Variants in GRB10 observed in about 807,000 individuals in gnomAD.
GRB10 encodes the protein growth factor receptor-bound protein 10.
GRB10 carries 20 observed loss-of-function variants against 80.9 expected under a neutral mutation model. The ratio of observed to expected loss-of-function variants is 0.25; its 90% CI spans 0.17 to 0.36. GRB10 has a LOEUF of 0.36. Ranked by LOEUF, GRB10 falls within the 10% of genes least tolerant of loss-of-function variation. GRB10 has a pLI of 1.00. For synonymous variants in GRB10, 291 were observed against 291.5 expected, an observed-to-expected ratio of 1.00 and a Z score of 0.02; for missense variants, 548 against 747.7, an observed-to-expected ratio of 0.73 and a Z score of 3.12.
chr7:50,659,734 G>C (rs1218875481), intron 7 of GRB10, among the ~76,000 whole-genome samples: 2 of 152,246 alleles, frequency 1.3e-5, no homozygotes, highest in African/African-American at 2.4e-5. Context: ...AGGACCATAA[G>C]GTTAGAACAT....
At chr7:50,650,542 A>G (rs1442085421) in intron 7 of GRB10, among the ~76,000 whole-genome samples, 1 of 152,242 alleles carries the variant, frequency 6.6e-6, no homozygotes, top group African/African-American at 2.4e-5. Flanking sequence ...AAGGAAAAGA[A>G]AATCAATGAC....
chr7:50,754,554 G>A (rs939871290), intron 3 of GRB10, among the ~76,000 whole-genome samples: 7 of 152,182 alleles, frequency 4.6e-5, no homozygotes, highest in Non-Finnish European at 1.0e-4. Context: ...AAAAGCAACG[G>A]CAGTGTGAGC....
At chr7:50,652,077 T>G (rs1201467700) in intron 7 of GRB10, among the ~76,000 whole-genome samples, 1 of 152,256 alleles carries the variant, frequency 6.6e-6, no homozygotes, top group Non-Finnish European at 1.5e-5. Context: ...GGTAGAATTT[T>G]GGATTTCAAA....
intron 5 of GRB10, among the ~76,000 whole-genome samples, chr7:50,675,894 A>G (rs750016055): frequency 1.3e-5 from 2 of 152,134 alleles, no homozygotes. Flanking sequence ...GCCTGGCTGC[A>G]CTCCTGCTCA....
chr7:50,663,888 C>A lies in GRB10; in HGVS notation c.504+5834G>T, dbSNP rs1360419722. Among the ~76,000 whole-genome samples, 3 of 152,340 alleles carry A rather than the reference C, an allele frequency of 2.0e-5. No individual in the cohort carries two copies. In the South Asian group the frequency reaches 6.2e-4, roughly 32 times the overall value. ...ACCTCGCAGGATGCCACAGCCGAAA[C>A]CAGCAGGCCAGGACCTGCCTGCCAG... is the stretch of plus-strand genomic sequence containing the variant. On this transcript the variant is annotated intron_variant, in intron 7 of 18. Transcript: ENST00000401949.
In GRB10 at chr7:50,742,261, ACG is replaced by A. The variant is rs757623893; in HGVS notation, c.-46-9895_-46-9894del. Among the ~76,000 whole-genome samples the A allele has an allele frequency of 1.2e-3, 54 of 45,448 alleles. 1 individual carries two copies. The highest frequency in any genetic ancestry group is 4.4e-3 in the Non-Finnish European group (40 of 9,034). The allele number at this position is 45,448 out of a possible 152,430, so 29.8% of individuals were successfully genotyped here. On this transcript the variant is annotated intron_variant, in intron 3 of 18. Coordinates refer to ENST00000401949, the MANE Select transcript of GRB10 (RefSeq NM_001350814.2). ...TTTGTCTATGTGTAAACACACGCGCACGCGCGCGCGCACACACACACACACAC... is the reference window on the plus strand; with the variant it reads ...TTTGTCTATGTGTAAACACACGCGCACGCGCGCGCACACACACACACACAC...
At chr7:50,729,744 G>A (rs2069311906) in intron 4 of GRB10, among the ~76,000 whole-genome samples, 1 of 144,830 alleles carries the variant, frequency 6.9e-6, no homozygotes, top group South Asian at 2.3e-4. Flanking sequence ...GACCAAGGCA[G>A]CCGGCCCTCT....
intron 7 of GRB10, among the ~76,000 whole-genome samples, chr7:50,643,189 C>T (rs984049518): frequency 6.6e-6 from 1 of 152,120 alleles, no homozygotes; most frequent in Admixed American, 6.5e-5. Context: ...GGGCTGACTG[C>T]AGGACTGAGT....
chr7:50,764,189 T>A (rs2076083452), intron 2 of GRB10, among the ~76,000 whole-genome samples: 1 of 152,178 alleles, frequency 6.6e-6, no homozygotes, highest in African/African-American at 2.4e-5. Flanking sequence ...AGGCTCCCCA[T>A]CCACCCTGTC....
rs1174520080 is a variant in GRB10 at position 50,782,851 on chromosome 7, G to T, written c.-754C>A. 2 of 152,274 alleles carry T rather than the reference G, an allele frequency of 1.3e-5. No individual in the cohort carries two copies. Among genetic ancestry groups the T allele is most frequent in the Admixed American group, 1.3e-4 (2 of 15,312 alleles). 9.4% of individuals were successfully genotyped at this position (152,274 alleles called of 1,614,324 possible). On this transcript the variant is annotated 5_prime_UTR_variant, in exon 1 of 19. Transcript: ENST00000401949. The surrounding 1 kb of genome is among the most constrained non-coding windows in gnomAD (Gnocchi z 6.6). ...GGGACTGGGCGCTCCTGAGGAGCGG[G>T]AGGACGACGGAGCAGCGCCCGGTCC...
At position 50,592,541 on chromosome 7, in the gene GRB10, CAAAG is replaced by C. The variant is rs1266691076; in HGVS notation, c.*407_*410del. On this transcript the variant is annotated 3_prime_UTR_variant, in exon 19 of 19. Transcript: ENST00000401949. ...AATAGGCTGAATACAATATTGAAAA[CAAAG>C]AAGGAGTGCAAAAAAGTGATCAATA... 5.8e-5 allele frequency: 16 copies of C among 277,036 alleles called. No individual in the cohort carries two copies. The highest frequency in any genetic ancestry group is 5.4e-4 in the Admixed American group (11 of 20,350). The allele number at this position is 277,036 out of a possible 1,614,324, so 17.2% of individuals were successfully genotyped here.
intron 7 of GRB10, among the ~76,000 whole-genome samples, chr7:50,647,334 T>C (rs1198872748): frequency 2.6e-5 from 4 of 152,130 alleles, no homozygotes; most frequent in African/African-American, 9.6e-5. Flanking sequence ...TAATGAAACA[T>C]TAAACCTAAA....
At chr7:50,616,080 A>C in intron 11 of GRB10, 130 bp downstream of exon 11, 2 of 1,019,316 alleles carry the variant, frequency 2.0e-6, no homozygotes, top group Non-Finnish European at 3.0e-6. Context: ...CAATTAGCTT[A>C]TTAAGAAGTT....
intron 5 of GRB10, among the ~76,000 whole-genome samples, chr7:50,690,319 AC>A (rs1316734783): frequency 1.4e-4 from 7 of 51,108 alleles, no homozygotes; most frequent in East Asian, 1.4e-3. Flanking sequence ...AAACAAACAA[AC>A]AAAAAAAACA....
At chr7:50,785,112 A>G (rs984433091), upstream of GRB10, among the ~76,000 whole-genome samples, 2 of 152,072 alleles carry the variant, frequency 1.3e-5, no homozygotes, top group Admixed American at 6.5e-5. Context: ...CAGCTCCTGG[A>G]GCAGCACCTC....
At chr7:50,745,093 C>G (rs993807135) in intron 3 of GRB10, among the ~76,000 whole-genome samples, 5 of 151,964 alleles carry the variant, frequency 3.3e-5, no homozygotes, top group Admixed American at 3.3e-4. Context: ...CTCGGCTATG[C>G]TGTAAGATTT....
chr7:50,638,358 T>A (rs774687046), intron 7 of GRB10, among the ~76,000 whole-genome samples: 10 of 152,060 alleles, frequency 6.6e-5, no homozygotes, highest in Non-Finnish European at 8.8e-5. Context: ...AAAGGACTAA[T>A]ACCCAGAATC....
At chr7:50,603,529 C>A (rs991337396) in intron 17 of GRB10, among the ~76,000 whole-genome samples, 1 of 152,224 alleles carries the variant, frequency 6.6e-6, no homozygotes, top group African/African-American at 2.4e-5. Context: ...CCTGGACTGT[C>A]CAGCCCCAGC....
chr7:50,593,208 AC>A (rs1483071240), intron 18 of GRB10, 110 bp from the exon 19 acceptor site: 6 of 1,254,714 alleles, frequency 4.8e-6, no homozygotes, highest in Non-Finnish European at 5.8e-6. Flanking sequence ...TTCCAGAGGG[AC>A]ACACAGGGCA....
Sources: gnomAD v4.1 joint callset for allele counts (sites outside exome capture counted in the v4.1 genomes callset) on GRCh38, gnomAD v4.1.1 for gene constraint, Gnocchi (gnomAD v3.1) non-coding constraint, MANE v1.5 for transcripts, NCBI Gene and HGNC (gene_info 2026-07-23, HGNC 2026-07-21) for gene names.